Variants in LAMC3 observed in about 807,000 individuals in gnomAD.
LAMC3 encodes laminin subunit gamma 3.
A neutral mutation model predicts 173.8 loss-of-function variants in LAMC3; 128 were observed. The observed-to-expected ratio is 0.74, with a 90% CI of 0.64 to 0.85. The LOEUF (loss-of-function observed/expected upper bound fraction) is 0.85. LAMC3 is among the 40% of genes least tolerant of loss of function. The pLI is 0.00. For synonymous variants in LAMC3, 897 were observed against 909.1 expected (o/e 0.99, Z 0.24); for missense variants, 2,022 against 2,156.0 (o/e 0.94, Z 1.23).
chr9:131,091,792 T>G lies in LAMC3; in HGVS notation c.*5T>G. ...AACTGTGCCAGCTGGCAGTGAGGGCTGCCCAGATCCCCGGCACACACTCCC... is the reference window on the plus strand; with the variant it reads ...AACTGTGCCAGCTGGCAGTGAGGGCGGCCCAGATCCCCGGCACACACTCCC... On this transcript the variant is annotated 3_prime_UTR_variant, in exon 28 of 28. Coordinates refer to ENST00000361069, the MANE Select transcript of LAMC3 (RefSeq NM_006059.4). 1 of 1,611,862 alleles carries G rather than the reference T, an allele frequency of 6.2e-7. No homozygotes were observed. Among genetic ancestry groups the G allele is most frequent in the Non-Finnish European group, 8.5e-7 (1 of 1,179,932 alleles).
chr9:131,092,231 T>G lies in LAMC3; in HGVS notation c.*444T>G, dbSNP rs2133359258. On this transcript the variant is annotated 3_prime_UTR_variant, in exon 28 of 28. Coordinates refer to ENST00000361069, the MANE Select transcript of LAMC3 (RefSeq NM_006059.4). ...AGTTGTTACATGAGATGCCCTGGGG[T>G]GCTACATCCACTCACTCCAGATAGC... 1 of 248,758 alleles carries G rather than the reference T, an allele frequency of 4.0e-6. No individual in the cohort carries two copies. The highest frequency in any genetic ancestry group is 1.0e-4 in the East Asian group (1 of 10,040). 15.4% of individuals were successfully genotyped at this position (248,758 alleles called of 1,614,324 possible).
intron 12 of LAMC3, among the ~76,000 whole-genome samples, chr9:131,057,407 T>TG (rs1829704130): frequency 6.6e-6 from 1 of 152,256 alleles, no homozygotes; most frequent in East Asian, 1.9e-4. Context: ...ATAAGCCAGC[T>TG]GCTCTGTGGG....
At chr9:131,054,646 C>T (rs779724168) in intron 11 of LAMC3, among the ~76,000 whole-genome samples, 5 of 151,780 alleles carry the variant, frequency 3.3e-5, no homozygotes, top group Admixed American at 6.6e-5. Flanking sequence ...CCCAGCTACT[C>T]GGGAGGGAGA....
At chr9:131,022,740 ATTTATTTATTTATTT>A (rs951703426) in intron 1 of LAMC3, among the ~76,000 whole-genome samples, 8 of 151,382 alleles carry the variant, frequency 5.3e-5, no homozygotes, top group Admixed American at 4.6e-4. Context: ...ATTTGTTCTT[ATTTATTTATTTATTT>A]TTTGTAGAGA....
At chr9:131,079,384 G>A in intron 23 of LAMC3, 86 bp downstream of exon 23, 17 of 1,519,332 alleles carry the variant, frequency 1.1e-5, no homozygotes, top group Non-Finnish European at 1.5e-5. Context: ...GCAGGAGGGA[G>A]AAGGGCAGAG....
rs548066752 is a variant in LAMC3 at position 131,063,232 on chromosome 9, C to T, written c.2347+2009C>T. Reference sequence around the variant, plus strand: ...GAACCGAGGGATGGAGATTGCACTGCGGGACCCTGCACCCCACTGGCCGCC... The same window carrying T: ...GAACCGAGGGATGGAGATTGCACTGTGGGACCCTGCACCCCACTGGCCGCC... On this transcript the variant is annotated intron_variant, in intron 13 of 27. Coordinates refer to ENST00000361069, the MANE Select transcript of LAMC3 (RefSeq NM_006059.4). Among the ~76,000 whole-genome samples the T allele has an allele frequency of 3.9e-5, 6 of 152,332 alleles. No homozygotes were observed. In the South Asian group the frequency reaches 6.2e-4, roughly 16 times the overall value.
chr9:131,081,435 T>TTCCCTCCCTCCCTCCATCCCTCCC (rs1554790875), intron 23 of LAMC3, among the ~76,000 whole-genome samples: 1 of 126,784 alleles, frequency 7.9e-6, no homozygotes, highest in Admixed American at 7.8e-5. Context: ...TAGAGCAGTG[T>TTCCCTCCCTCCCTCCATCCCTCCC]TCCCTCCCTC....
rs1450482618 is a variant in LAMC3 at position 131,009,744 on chromosome 9, C to T, written c.373+157C>T. On this transcript the variant is annotated intron_variant, in intron 1 of 27. Coordinates refer to ENST00000361069, the MANE Select transcript of LAMC3 (RefSeq NM_006059.4). This position sits in a 1 kb window ranked among gnomAD's most constrained non-coding sequence, Gnocchi z 4.3. Reference sequence around the variant, plus strand: ...TCAGAAATAGGAATTAGGCTGGGTGCGGTGGCTCACTCCTGAAATCCCAGC... The same window carrying T: ...TCAGAAATAGGAATTAGGCTGGGTGTGGTGGCTCACTCCTGAAATCCCAGC... 1.3e-5 allele frequency among the ~76,000 whole-genome samples: 2 copies of T among 152,080 alleles called. No homozygotes were observed. The highest frequency in any genetic ancestry group is 2.9e-5 in the Non-Finnish European group (2 of 68,010).
chr9:131,019,016 A>T (rs566811849), intron 1 of LAMC3, among the ~76,000 whole-genome samples: 1 of 152,284 alleles, frequency 6.6e-6, no homozygotes, highest in East Asian at 1.9e-4. Flanking sequence ...TAATCCCAGC[A>T]CTTTGGGAGG....
At chr9:131,046,512 TTTTGTA>T (rs1834162475) in intron 8 of LAMC3, among the ~76,000 whole-genome samples, 2 of 133,748 alleles carry the variant, frequency 1.5e-5, no homozygotes, top group African/African-American at 2.9e-5. Context: ...CCGAGCTAAT[TTTTGTA>T]TTTTTTTTTT....
chr9:131,091,213 A>T (rs1830418654), intron 27 of LAMC3, among the ~76,000 whole-genome samples: 1 of 152,222 alleles, frequency 6.6e-6, no homozygotes, highest in African/African-American at 2.4e-5. Context: ...TTTCTCCCAC[A>T]CTGTTTTGTA....
intron 27 of LAMC3, among the ~76,000 whole-genome samples, chr9:131,089,257 T>C (rs1180634575): frequency 6.6e-6 from 1 of 151,572 alleles, no homozygotes; most frequent in East Asian, 1.9e-4. Flanking sequence ...CATACCAACA[T>C]GGCACATGTA....
In LAMC3 at chr9:131,009,291, A is replaced by G. The variant is rs1156398395; in HGVS notation, c.77A>G (p.Tyr26Cys). The stretch of plus-strand genomic sequence containing the variant: ...GCCGGCGCGGGCATGGGCGCGTGCT[A>G]TGACGGCGCAGGGCGCCCGCAGCGC... ...RAAGAGMGAC[Y>C]DGAGRPQRCL... The change falls in exon 1 of 28, where the codon TAT becomes TGT. Residue 26 changes from tyrosine (Y) to cysteine (C), a missense_variant. Coordinates refer to ENST00000361069, the MANE Select transcript of LAMC3 (RefSeq NM_006059.4). The surrounding 1 kb of genome is among the most constrained non-coding windows in gnomAD (Gnocchi z 4.3). 8.4e-6 allele frequency: 12 copies of G among 1,420,298 alleles called. No homozygotes were observed. Among genetic ancestry groups the G allele is most frequent in the Non-Finnish European group, 1.1e-5 (12 of 1,093,100 alleles). The allele number at this position is 1,420,298 out of a possible 1,614,324, so 88.0% of individuals were successfully genotyped here.
chr9:131,026,635 G>C lies in LAMC3; in HGVS notation c.678+46G>C, dbSNP rs1268418814. 1 of 1,510,090 alleles carries C rather than the reference G, an allele frequency of 6.6e-7. No individual in the cohort carries two copies. Among genetic ancestry groups the C allele is most frequent in the Non-Finnish European group, 8.9e-7 (1 of 1,129,410 alleles). The allele number at this position is 1,510,090 out of a possible 1,614,324, so 93.5% of individuals were successfully genotyped here. The stretch of plus-strand genomic sequence containing the variant: ...CGGAGGTTGGGACGGGGTTGGGACT[G>C]GGTCACGGCAGTAGGAGGGTCTGAT... On this transcript the variant is annotated intron_variant, in intron 2 of 27. Transcript: ENST00000361069. This position sits in a 1 kb window ranked among gnomAD's most constrained non-coding sequence, Gnocchi z 4.8.
intron 1 of LAMC3, among the ~76,000 whole-genome samples, chr9:131,015,217 CTG>C (rs1473200408): frequency 1.3e-5 from 2 of 152,196 alleles, no homozygotes; most frequent in Admixed American, 6.5e-5. Context: ...CAAGATTGCA[CTG>C]TGTTTCCTCG....
At chr9:131,077,137 T>C (rs906343707) in intron 21 of LAMC3, 50 bp from the exon 22 acceptor site, 13 of 1,608,148 alleles carry the variant, frequency 8.1e-6, no homozygotes, top group Admixed American at 5.0e-5. Context: ...CAGACAGGGA[T>C]GGGGAGGGCT....
intron 18 of LAMC3, 48 bp downstream of exon 18, chr9:131,071,673 C>A: frequency 6.7e-7 from 1 of 1,500,326 alleles, no homozygotes; most frequent in Non-Finnish European, 8.9e-7. Flanking sequence ...GGGGAGGCCC[C>A]CAGCGCCTGC....
intron 1 of LAMC3, among the ~76,000 whole-genome samples, chr9:131,025,387 T>A (rs1833697502): frequency 6.6e-6 from 1 of 152,182 alleles, no homozygotes; most frequent in Non-Finnish European, 1.5e-5. Flanking sequence ...GAGCCAGGTC[T>A]GCTGTTGAGG....
At chr9:131,041,828 G>C (rs1257044714) in intron 7 of LAMC3, 93 bp downstream of exon 7, 2 of 1,081,932 alleles carry the variant, frequency 1.8e-6, no homozygotes, top group Non-Finnish European at 2.7e-6. Context: ...GAGGAGCAAG[G>C]GGCACGGTCT....
Sources: gnomAD v4.1 joint callset for allele counts (sites outside exome capture counted in the v4.1 genomes callset) on GRCh38, gnomAD v4.1.1 for gene constraint, Gnocchi (gnomAD v3.1) non-coding constraint, MANE v1.5 for transcripts, NCBI Gene and HGNC (gene_info 2026-07-23, HGNC 2026-07-21) for gene names.